Variants in CABLES1 observed in about 807,000 individuals in gnomAD.
The protein encoded by CABLES1 is Cdk5 and Abl enzyme substrate 1.
A neutral mutation model predicts 57.8 loss-of-function variants in CABLES1; 36 were observed. That is an observed-to-expected ratio of 0.62 (90% CI 0.48 to 0.82). The LOEUF is 0.82. Among genes scored for constraint, CABLES1 ranks in the 40% least tolerant of loss-of-function variants. The pLI, the probability that CABLES1 is intolerant of heterozygous loss-of-function variation, is 0.00. For synonymous variants in CABLES1, 374 were observed against 363.0 expected (o/e 1.03, Z -0.35); for missense variants, 767 against 836.6 (o/e 0.92, Z 1.03).
intron 1 of CABLES1, among the ~76,000 whole-genome samples, chr18:23,184,524 G>A (rs533156705): frequency 2.6e-5 from 4 of 152,226 alleles, no homozygotes; most frequent in African/African-American, 7.2e-5. Context: ...CCAATGTGGC[G>A]AAACCCTGTC....
At chr18:23,235,582 T>G (rs558483488) in intron 5 of CABLES1, among the ~76,000 whole-genome samples, 7 of 152,316 alleles carry the variant, frequency 4.6e-5, no homozygotes, top group South Asian at 4.1e-4. Context: ...GTGTGCCTTG[T>G]GGATTACACA....
At chr18:23,176,912 C>T (rs2047127204) in intron 1 of CABLES1, among the ~76,000 whole-genome samples, 1 of 152,010 alleles carries the variant, frequency 6.6e-6, no homozygotes, top group Non-Finnish European at 1.5e-5. Context: ...GGAGGGCAGC[C>T]CTCTGAAGGG....
intron 1 of CABLES1, among the ~76,000 whole-genome samples, chr18:23,158,957 CT>C (rs1444109059): frequency 6.6e-6 from 1 of 152,116 alleles, no homozygotes; most frequent in East Asian, 1.9e-4. Flanking sequence ...ATGTGCCCCA[CT>C]GGGTTGGTGT....
chr18:23,159,917 G>A lies in CABLES1; in HGVS notation c.845+23310G>A, dbSNP rs527956196. The stretch of plus-strand genomic sequence containing the variant: ...TTTAAACTTGTTGGCAAGTTACACC[G>A]TTAAGGTGGTAGGGCTCTTGTCTCT... On this transcript the variant is annotated intron_variant, in intron 1 of 9. Coordinates refer to ENST00000256925, the MANE Select transcript of CABLES1 (RefSeq NM_001100619.3). Among the ~76,000 whole-genome samples the A allele has an allele frequency of 2.2e-4, 33 of 150,226 alleles. 1 individual carries two copies. The highest frequency in any genetic ancestry group is 1.3e-3 in the South Asian group (6 of 4,758).
At chr18:23,174,532 C>T (rs1228995789) in intron 1 of CABLES1, among the ~76,000 whole-genome samples, 3 of 151,286 alleles carry the variant, frequency 2.0e-5, no homozygotes, top group African/African-American at 7.3e-5. Context: ...AGTGCAGTGG[C>T]ACGATCTCAG....
chr18:23,171,875 T>A lies in CABLES1; in HGVS notation c.846-16963T>A, dbSNP rs913216941. On this transcript the variant is annotated intron_variant, in intron 1 of 9. Coordinates refer to ENST00000256925, the MANE Select transcript of CABLES1 (RefSeq NM_001100619.3). ...GGCCTGTGAGTGTTGACCAAAGGGTTAACCTTTCTGAGCTACCATGAGCCA... is the reference window on the plus strand; with the variant it reads ...GGCCTGTGAGTGTTGACCAAAGGGTAAACCTTTCTGAGCTACCATGAGCCA... 4.6e-5 allele frequency among the ~76,000 whole-genome samples: 7 copies of A among 152,164 alleles called. 1 individual carries two copies. The highest frequency in any genetic ancestry group is 1.0e-4 in the Non-Finnish European group (7 of 68,030).
chr18:23,234,360 G>A (rs1292250351), intron 4 of CABLES1, among the ~76,000 whole-genome samples: 1 of 152,240 alleles, frequency 6.6e-6, no homozygotes, highest in African/African-American at 2.4e-5. Flanking sequence ...ATGGAAGAGG[G>A]AGGGATGTCT....
At chr18:23,156,043 A>G in intron 1 of CABLES1, 1 of 1,441,694 alleles carries the variant, frequency 6.9e-7, no homozygotes, top group East Asian at 2.3e-5. Context: ...TTTGTTGGAA[A>G]TTGATCTCTG....
intron 6 of CABLES1, among the ~76,000 whole-genome samples, 166 bp downstream of exon 6, chr18:23,236,217 G>A (rs932653350): frequency 1.3e-5 from 2 of 152,166 alleles, no homozygotes; most frequent in East Asian, 1.9e-4. Context: ...CAATGAAGCC[G>A]CAGGTGATTT....
At chr18:23,193,700 A>C (rs2047262170) in intron 2 of CABLES1, among the ~76,000 whole-genome samples, 1 of 152,188 alleles carries the variant, frequency 6.6e-6, no homozygotes, top group South Asian at 2.1e-4. Flanking sequence ...TTGTAACTTA[A>C]AATTTGCCAG....
chr18:23,243,468 G>GTT lies in CABLES1; in HGVS notation c.1446+6243_1446+6244dup, dbSNP rs551293348. On this transcript the variant is annotated intron_variant, in intron 7 of 9. Coordinates refer to ENST00000256925, the MANE Select transcript of CABLES1 (RefSeq NM_001100619.3). ...GGGTTGTTTTGGGTGTGGGTTTGGTGTTTTTTTTTTTTTTTTTTTTTGGTC... is the reference window on the plus strand; with the variant it reads ...GGGTTGTTTTGGGTGTGGGTTTGGTGTTTTTTTTTTTTTTTTTTTTTTTGGTC... Among the ~76,000 whole-genome samples, 770 of 101,792 alleles carry GTT rather than the reference G, an allele frequency of 7.6e-3. 7 individuals are homozygous for GTT. Among genetic ancestry groups the GTT allele is most frequent in the African/African-American group, 0.021 (584 of 27,460 alleles). The allele number at this position is 101,792 out of a possible 152,430, so 66.8% of individuals were successfully genotyped here. A position where few individuals can be genotyped will look rare whatever the true frequency, so the allele number is the denominator to read the frequency against.
chr18:23,172,731 G>C (rs1289756727), intron 1 of CABLES1, among the ~76,000 whole-genome samples: 2 of 152,214 alleles, frequency 1.3e-5, no homozygotes, highest in African/African-American at 4.8e-5. Flanking sequence ...TTTAAGCACA[G>C]CTCTCATGCT....
intron 2 of CABLES1, among the ~76,000 whole-genome samples, chr18:23,191,406 G>A (rs948150005): frequency 2.6e-5 from 4 of 152,176 alleles, no homozygotes; most frequent in Non-Finnish European, 4.4e-5. Context: ...ATGTAGCATT[G>A]TAAATTGACT....
intron 4 of CABLES1, among the ~76,000 whole-genome samples, chr18:23,228,775 TTTGTGCTGGA>T: frequency 6.6e-6 from 1 of 151,354 alleles, no homozygotes; most frequent in Non-Finnish European, 1.5e-5. Flanking sequence ...AGTATATATC[TTTGTGCTGGA>T]TTTTCAGTGT....
intron 7 of CABLES1, among the ~76,000 whole-genome samples, chr18:23,243,991 A>C (rs1403997304): frequency 1.3e-5 from 2 of 151,550 alleles, no homozygotes; most frequent in Non-Finnish European, 2.9e-5. Flanking sequence ...TGATTTTGAC[A>C]TTTCACCCAG....
intron 4 of CABLES1, among the ~76,000 whole-genome samples, chr18:23,221,981 G>A (rs1598837930): frequency 1.3e-5 from 2 of 152,144 alleles, no homozygotes; most frequent in African/African-American, 4.8e-5. Flanking sequence ...CTTCCCCATA[G>A]GTGTGCTCCT....
chr18:23,144,988 T>C (rs1452826446), intron 1 of CABLES1, among the ~76,000 whole-genome samples: 1 of 151,076 alleles, frequency 6.6e-6, no homozygotes, highest in Non-Finnish European at 1.5e-5. Context: ...CAGGCTGGAG[T>C]ACAGTGGCGC....
chr18:23,205,181 C>CTT (rs34690271), intron 3 of CABLES1, among the ~76,000 whole-genome samples: 8,014 of 81,128 alleles, frequency 0.099, 802 homozygotes, highest in African/African-American at 0.12. Flanking sequence ...TCATTCCTGA[C>CTT]TTTTTTTTTT....
At chr18:23,148,997 C>T (rs984677930) in intron 1 of CABLES1, among the ~76,000 whole-genome samples, 1 of 151,796 alleles carries the variant, frequency 6.6e-6, no homozygotes, top group African/African-American at 2.4e-5. Flanking sequence ...TCAAGCAATC[C>T]TCCTGCCTTA....
Sources: gnomAD v4.1 joint callset for allele counts (sites outside exome capture counted in the v4.1 genomes callset) on GRCh38, gnomAD v4.1.1 for gene constraint, MANE v1.5 for transcripts, NCBI Gene and HGNC (gene_info 2026-07-23, HGNC 2026-07-21) for gene names.